Variants in GABRA3 observed in about 807,000 individuals in gnomAD.
GABRA3 encodes the protein gamma-aminobutyric acid receptor subunit alpha-3.
Under a neutral mutation model 30.1 loss-of-function variants are expected in GABRA3, and 10 were observed. The ratio of observed to expected loss-of-function variants is 0.33; its 90% confidence interval spans 0.20 to 0.56. The LOEUF is 0.56. Ranked by LOEUF, GABRA3 falls within the 20% of genes least tolerant of loss-of-function variation. The pLI, the probability that GABRA3 is intolerant of heterozygous loss-of-function variation, is 0.89. For missense variants in GABRA3, 233 were observed against 392.0 expected (o/e 0.59, Z 3.42); for synonymous variants, 151 against 146.8 (o/e 1.03, Z -0.21).
intron 1 of GABRA3, among the ~76,000 whole-genome samples, chrX:152,384,891 A>G (rs1276835893): frequency 8.9e-6 from 1 of 111,891 alleles, no homozygotes. Flanking sequence ...TTCCTACAAC[A>G]TCATAAGAAA....
At chrX:152,212,309 A>ATCC (rs1937638140) in intron 6 of GABRA3, among the ~76,000 whole-genome samples, 1 of 79,489 alleles carries the variant, frequency 1.3e-5, no homozygotes, top group Non-Finnish European at 2.4e-5. Flanking sequence ...AAAAAAAAAA[A>ATCC]AAAAAAAAAA....
intron 1 of GABRA3, among the ~76,000 whole-genome samples, chrX:152,384,831 G>A (rs1012868399): frequency 3.6e-5 from 4 of 111,749 alleles, no homozygotes; most frequent in African/African-American, 1.3e-4. Flanking sequence ...AATGGTAGAC[G>A]TTTGTCACAC....
intron 1 of GABRA3, among the ~76,000 whole-genome samples, chrX:152,395,202 T>A (rs1046930612): frequency 9.0e-6 from 1 of 110,653 alleles, no homozygotes; most frequent in Non-Finnish European, 1.9e-5. Flanking sequence ...ATGATATAAA[T>A]CCAAACGATC....
At chrX:152,221,593 G>T (rs1345404617) in intron 6 of GABRA3, among the ~76,000 whole-genome samples, 1 of 111,432 alleles carries the variant, frequency 9.0e-6, no homozygotes, top group African/African-American at 3.3e-5. Flanking sequence ...ATGTTTATAT[G>T]ATTTCTTGAG....
chrX:152,401,207 TTATCTC>T (rs1461035846), intron 1 of GABRA3, among the ~76,000 whole-genome samples: 4 of 108,501 alleles, frequency 3.7e-5, no homozygotes, highest in Non-Finnish European at 7.6e-5. Context: ...CTTAGGCTCT[TTATCTC>T]TAACAGGAGG....
intron 1 of GABRA3, among the ~76,000 whole-genome samples, chrX:152,439,939 A>G (rs1323132761): frequency 8.9e-6 from 1 of 111,945 alleles, no homozygotes; most frequent in Non-Finnish European, 1.9e-5. Flanking sequence ...AACCTAGGCA[A>G]TACCATTCAG....
intron 4 of GABRA3, among the ~76,000 whole-genome samples, chrX:152,258,207 G>T (rs1283231034): frequency 1.8e-5 from 2 of 111,862 alleles, no homozygotes; most frequent in Non-Finnish European, 1.9e-5. Context: ...AAGGGAGAAA[G>T]TAAAAGCAAA....
chrX:152,404,736 TTATTATTATTATTATTATTA>T (rs1929884549), intron 1 of GABRA3, among the ~76,000 whole-genome samples: 88 of 59,965 alleles, frequency 1.5e-3, no homozygotes, highest in African/African-American at 0.012. Context: ...AAGTCATTTA[TTATTATTATTATTATTATTA>T]TTATTATTAT....
intron 5 of GABRA3, among the ~76,000 whole-genome samples, chrX:152,247,282 G>A (rs1337646311): frequency 1.8e-5 from 2 of 111,467 alleles, no homozygotes; most frequent in African/African-American, 6.5e-5. Flanking sequence ...ACTGTGTAAC[G>A]TAACCCATAG....
intron 1 of GABRA3, among the ~76,000 whole-genome samples, chrX:152,368,897 G>C (rs1457861371): frequency 9.1e-6 from 1 of 109,763 alleles, no homozygotes; most frequent in African/African-American, 3.3e-5. Flanking sequence ...AGTAGAGACG[G>C]GGTTTCACCG....
intron 4 of GABRA3, among the ~76,000 whole-genome samples, chrX:152,263,336 C>G (rs981456399): frequency 1.9e-4 from 21 of 110,367 alleles, no homozygotes; most frequent in Middle Eastern, 4.3e-3. Context: ...CAATAACACA[C>G]AGAGAAGGAA....
intron 1 of GABRA3, among the ~76,000 whole-genome samples, chrX:152,422,609 G>A (rs1180514818): frequency 9.0e-6 from 1 of 111,243 alleles, no homozygotes; most frequent in Non-Finnish European, 1.9e-5. Flanking sequence ...CGAGTAAATG[G>A]AAATATAGCA....
At chrX:152,235,832 A>T (rs935478175) in intron 5 of GABRA3, among the ~76,000 whole-genome samples, 1 of 110,783 alleles carries the variant, frequency 9.0e-6, no homozygotes, top group Non-Finnish European at 1.9e-5. Context: ...ATTCAATGAC[A>T]TTTTTCACAG....
chrX:152,248,334 A>T (rs1938493831), intron 5 of GABRA3, among the ~76,000 whole-genome samples: 1 of 111,723 alleles, frequency 9.0e-6, no homozygotes, highest in African/African-American at 3.3e-5. Flanking sequence ...ACGTCAGTAG[A>T]CATGAGTATG....
At chrX:152,182,489 CTA>C (rs1225736776) in intron 9 of GABRA3, among the ~76,000 whole-genome samples, 1 of 83,430 alleles carries the variant, frequency 1.2e-5, no homozygotes, top group East Asian at 3.8e-4. Flanking sequence ...AGTATACATA[CTA>C]TATATAGTAT....
chrX:152,389,580 A>G (rs935486129), intron 1 of GABRA3: 3 of 111,657 alleles, frequency 2.7e-5, no homozygotes, highest in Non-Finnish European at 5.6e-5. Flanking sequence ...TCAAGAACAC[A>G]TCTATGCAGC....
chrX:152,370,195 G>C (rs1477636572), intron 1 of GABRA3, among the ~76,000 whole-genome samples: 1 of 112,184 alleles, frequency 8.9e-6, no homozygotes, highest in Non-Finnish European at 1.9e-5. Flanking sequence ...TATGTACAAG[G>C]TACCAATACG....
At chrX:152,321,112 T>C (rs1349304814) in intron 3 of GABRA3, among the ~76,000 whole-genome samples, 1 of 111,556 alleles carries the variant, frequency 9.0e-6, no homozygotes, top group Non-Finnish European at 1.9e-5. Flanking sequence ...TTGAATAAAA[T>C]TGGATGATTC....
chrX:152,314,505 G>C (rs750215413), intron 3 of GABRA3, among the ~76,000 whole-genome samples: 1 of 112,187 alleles, frequency 8.9e-6, no homozygotes, highest in Non-Finnish European at 1.9e-5. Flanking sequence ...TTACCAAGCC[G>C]TATAATTCCC....
Sources: gnomAD v4.1 joint callset for allele counts (sites outside exome capture counted in the v4.1 genomes callset) on GRCh38, gnomAD v4.1.1 for gene constraint, MANE v1.5 for transcripts, NCBI Gene and HGNC (gene_info 2026-07-23, HGNC 2026-07-21) for gene names.